Variants in CSNK1G1 observed in about 807,000 individuals in gnomAD.
CSNK1G1 encodes casein kinase I isoform gamma-1.
A neutral mutation model predicts 59.6 loss-of-function variants in CSNK1G1; 22 were observed. That is an observed-to-expected ratio of 0.37 (90% CI 0.26 to 0.53). The LOEUF (loss-of-function observed/expected upper bound fraction) is 0.53, where lower values mean the gene tolerates loss of function less well. CSNK1G1 is among the 20% of genes least tolerant of loss of function. The pLI is 0.89. For missense variants in CSNK1G1, 384 were observed against 519.5 expected, an observed-to-expected ratio of 0.74 and a Z score of 2.54; for synonymous variants, 179 against 177.1, an observed-to-expected ratio of 1.01 and a Z score of -0.08.
At chr15:64,282,048 A>G (rs1894170317) in intron 2 of CSNK1G1, among the ~76,000 whole-genome samples, 2 of 151,816 alleles carry the variant, frequency 1.3e-5, no homozygotes, top group African/African-American at 4.8e-5. Context: ...TAGCCTCCCA[A>G]GTAACTGGGA....
intron 6 of CSNK1G1, among the ~76,000 whole-genome samples, chr15:64,212,804 A>C (rs991954328): frequency 2.6e-5 from 4 of 152,088 alleles, no homozygotes; most frequent in African/African-American, 9.7e-5. Flanking sequence ...CCAGGAGTTC[A>C]AGACCAGCCT....
chr15:64,189,815 CTTTTTTTTTTTTT>C (rs970702567), intron 10 of CSNK1G1, among the ~76,000 whole-genome samples: 2 of 127,310 alleles, frequency 1.6e-5, no homozygotes, highest in Admixed American at 1.6e-4. Flanking sequence ...CTACAATTTA[CTTTTTTTTTTTTT>C]TTTTTTTTGA....
intron 2 of CSNK1G1, among the ~76,000 whole-genome samples, chr15:64,281,243 G>A (rs901764466): frequency 2.0e-5 from 3 of 152,082 alleles, no homozygotes; most frequent in Admixed American, 1.3e-4. Flanking sequence ...AAATAAACTT[G>A]CCACAAAAAG....
intron 3 of CSNK1G1, 46 bp from the exon 4 acceptor site, chr15:64,251,627 A>T (rs1201060845): frequency 1.0e-5 from 14 of 1,390,216 alleles, no homozygotes; most frequent in Non-Finnish European, 1.4e-5. Context: ...AACAAATGGG[A>T]TTTTTCCATT....
chr15:64,274,050 CT>C (rs1893471154), intron 2 of CSNK1G1, among the ~76,000 whole-genome samples: 1 of 152,178 alleles, frequency 6.6e-6, no homozygotes, highest in Non-Finnish European at 1.5e-5. Context: ...TGAGACAAGC[CT>C]ATGTAACACC....
rs2081854325 is a variant in CSNK1G1 at position 64,183,929 on chromosome 15, G to T, written c.1108-3475C>A. Among the ~76,000 whole-genome samples the T allele has an allele frequency of 2.0e-5, 3 of 151,854 alleles. No individual in the cohort carries two copies. The South Asian group carries it at 6.3e-4, about 32-fold the overall frequency. Reference sequence around the variant, plus strand: ...TTTTGTATTTTTTAGTAGAAATGGGGTTTCACCATATTGGCCAGGCTGGTC... The same window carrying T: ...TTTTGTATTTTTTAGTAGAAATGGGTTTTCACCATATTGGCCAGGCTGGTC... On this transcript the variant is annotated intron_variant, in intron 10 of 11. Transcript: ENST00000303052.
chr15:64,321,958 A>G (rs1300467451), intron 1 of CSNK1G1, among the ~76,000 whole-genome samples: 3 of 152,228 alleles, frequency 2.0e-5, no homozygotes, highest in Non-Finnish European at 4.4e-5. Context: ...AGTGCCTGGT[A>G]GGCTCTAATT....
chr15:64,235,154 T>G (rs2140296997), intron 4 of CSNK1G1, among the ~76,000 whole-genome samples: 1 of 152,278 alleles, frequency 6.6e-6, no homozygotes, highest in East Asian at 1.9e-4. Flanking sequence ...ATTATCCAAG[T>G]GTTTTGTTCT....
At chr15:64,311,704 G>A (rs1048715053) in intron 1 of CSNK1G1, among the ~76,000 whole-genome samples, 2 of 144,802 alleles carry the variant, frequency 1.4e-5, no homozygotes, top group African/African-American at 5.3e-5. Context: ...AAAAAGCCAC[G>A]GGGTTTGGTA....
In CSNK1G1 at chr15:64,168,893, A is replaced by C. The variant is rs2081632576; in HGVS notation, c.*3038T>G. 6.6e-6 allele frequency: 1 copy of C among 152,414 alleles called. No homozygotes were observed. The highest frequency in any genetic ancestry group is 1.5e-5 in the Non-Finnish European group (1 of 68,048). The allele number at this position is 152,414 out of a possible 1,614,324, so 9.4% of individuals were successfully genotyped here. On this transcript the variant is annotated 3_prime_UTR_variant, in exon 12 of 12. Transcript: ENST00000303052. ...AGGTCTGGGACCACTTTGAAGTGCC[A>C]ATGGCTCTGGAGGGATCACCATTAC...
intron 11 of CSNK1G1, among the ~76,000 whole-genome samples, chr15:64,178,626 C>T (rs1473472033): frequency 3.3e-5 from 5 of 151,822 alleles, no homozygotes; most frequent in South Asian, 2.1e-4. Flanking sequence ...GGACTACAGA[C>T]GCATGCCACC....
chr15:64,229,783 C>G (rs1183967439), intron 4 of CSNK1G1, among the ~76,000 whole-genome samples: 2 of 151,796 alleles, frequency 1.3e-5, no homozygotes, highest in African/African-American at 4.8e-5. Context: ...TCTCCTCTCC[C>G]TCTCTCAAGT....
intron 1 of CSNK1G1, among the ~76,000 whole-genome samples, chr15:64,309,370 T>A (rs577484799): frequency 6.6e-6 from 1 of 151,516 alleles, no homozygotes; most frequent in Non-Finnish European, 1.5e-5. Context: ...GAGTTCTCAA[T>A]CTTGGTTTTC....
rs914074748 is a variant in CSNK1G1 at position 64,212,955 on chromosome 15, G to A, written c.679+935C>T. Among the ~76,000 whole-genome samples the A allele has an allele frequency of 5.3e-5, 8 of 150,942 alleles. 1 individual carries two copies. The highest frequency in any genetic ancestry group is 2.0e-4 in the Admixed American group (3 of 15,176). Reference sequence around the variant, plus strand: ...CGCGAGGCAGAGGTTGCAGTGAGCCGAAATCGTGCCACTGCACTCCAGCCT... The same window carrying A: ...CGCGAGGCAGAGGTTGCAGTGAGCCAAAATCGTGCCACTGCACTCCAGCCT... On this transcript the variant is annotated intron_variant, in intron 6 of 11. Transcript: ENST00000303052.
At chr15:64,195,479 C>T (rs1472835281) in intron 10 of CSNK1G1, among the ~76,000 whole-genome samples, 1 of 152,172 alleles carries the variant, frequency 6.6e-6, no homozygotes, top group East Asian at 1.9e-4. Flanking sequence ...ATTTAAAGTA[C>T]TGAAAGGGCA....
At chr15:64,312,846 A>C (rs1261507689) in intron 1 of CSNK1G1, among the ~76,000 whole-genome samples, 4 of 152,114 alleles carry the variant, frequency 2.6e-5, no homozygotes, top group African/African-American at 9.7e-5. Flanking sequence ...AAATTTTTGC[A>C]ATCTATCCAT....
intron 1 of CSNK1G1, among the ~76,000 whole-genome samples, chr15:64,327,357 TCCCTGAC>T (rs1421947076): frequency 3.3e-5 from 5 of 149,858 alleles, no homozygotes; most frequent in Non-Finnish European, 7.4e-5. Context: ...CTCAAGTGGG[TCCCTGAC>T]CCCTGACCCC....
chr15:64,223,416 A>T (rs2082416732), intron 4 of CSNK1G1, among the ~76,000 whole-genome samples: 1 of 152,210 alleles, frequency 6.6e-6, no homozygotes, highest in South Asian at 2.1e-4. Context: ...TCTATAAATA[A>T]TTATGAGGGA....
At chr15:64,349,518 C>T (rs1898167476) in intron 1 of CSNK1G1, among the ~76,000 whole-genome samples, 1 of 152,194 alleles carries the variant, frequency 6.6e-6, no homozygotes, top group Admixed American at 6.6e-5. Flanking sequence ...CCACTTGGAG[C>T]TTCTGGGTGA....
Sources: allele counts gnomAD v4.1 joint callset (sites outside exome capture counted in the v4.1 genomes callset), GRCh38; gene constraint gnomAD v4.1.1; transcripts MANE v1.5; gene names NCBI Gene and HGNC (gene_info 2026-07-23, HGNC 2026-07-21).